Variants in ATP10B observed in about 807,000 individuals in gnomAD.
ATP10B encodes the protein ATPase phospholipid transporting 10B (putative), also known as phospholipid-transporting ATPase VB.
ATP10B carries 122 observed loss-of-function variants against 141.2 expected under a neutral mutation model. The ratio of observed to expected loss-of-function variants is 0.86; its 90% confidence interval spans 0.75 to 1.00. The LOEUF is 1.00. Among genes scored for constraint, ATP10B ranks in the 50% least tolerant of loss-of-function variants. The probability of loss-of-function intolerance (pLI) is 0.00; values close to 1 mark genes in which losing one functional copy is unlikely to be tolerated. For missense variants in ATP10B, 1,876 were observed against 1,825.3 expected, an observed-to-expected ratio of 1.03 and a Z score of -0.51; for synonymous variants, 685 against 692.0, an observed-to-expected ratio of 0.99 and a Z score of 0.16.
chr5:160,809,927 C>T (rs1027813871), intron 1 of ATP10B, among the ~76,000 whole-genome samples: 1 of 152,056 alleles, frequency 6.6e-6, no homozygotes, highest in Admixed American at 6.5e-5. Flanking sequence ...GACCATTTGG[C>T]TTTTCTTTTT....
intron 7 of ATP10B, among the ~76,000 whole-genome samples, chr5:160,656,980 C>T (rs1323618798): frequency 1.3e-5 from 2 of 152,086 alleles, no homozygotes; most frequent in African/African-American, 4.8e-5. Flanking sequence ...CTACATGATT[C>T]CCAGGCTAAA....
intron 22 of ATP10B, among the ~76,000 whole-genome samples, 171 bp from the exon 23 acceptor site, chr5:160,591,310 TC>T (rs367962339): frequency 5.7e-4 from 87 of 152,164 alleles, no homozygotes; most frequent in Non-Finnish European, 1.1e-3. Context: ...GTGACAGACT[TC>T]AGTTCAACTG....
chr5:160,753,927 A>G (rs992936316), intron 2 of ATP10B, among the ~76,000 whole-genome samples: 2 of 152,166 alleles, frequency 1.3e-5, no homozygotes. Flanking sequence ...CCACTTTACT[A>G]TGACTTCTTA....
chr5:160,589,478 T>C (rs1170296441), intron 24 of ATP10B, 114 bp downstream of exon 24: 3 of 795,110 alleles, frequency 3.8e-6, no homozygotes, highest in South Asian at 3.1e-5. Flanking sequence ...GGTAGGAGCT[T>C]AGTATGTATT....
rs1317470881 is a variant in ATP10B, at chr5:160,589,500, T to C, written c.3750+92A>G. 5.1e-6 allele frequency: 5 copies of C among 977,992 alleles called. No individual in the cohort carries two copies. In the African/African-American group the frequency reaches 6.4e-5, roughly 12 times the overall value. The allele number at this position is 977,992 out of a possible 1,614,324, so 60.6% of individuals were successfully genotyped here. On this transcript the variant is annotated intron_variant, in intron 24 of 25. Coordinates refer to ENST00000327245, the MANE Select transcript of ATP10B (RefSeq NM_025153.3). ...GCTTAGTATGTATTTATTGAGTGGA[T>C]TGATAACACAGAATGAAACAATTCA...
chr5:160,819,442 T>C (rs575608719), intron 1 of ATP10B, among the ~76,000 whole-genome samples: 2 of 152,290 alleles, frequency 1.3e-5, no homozygotes, highest in African/African-American at 2.4e-5. Flanking sequence ...ACTACTCCCA[T>C]CTGAAGAAAA....
chr5:160,653,681 CATAT>C (rs1296633642), intron 7 of ATP10B, among the ~76,000 whole-genome samples: 11 of 30,480 alleles, frequency 3.6e-4, no homozygotes, highest in Non-Finnish European at 6.3e-4. Flanking sequence ...ATTATATATA[CATAT>C]ATACATATAT....
At chr5:160,653,702 A>G (rs1278949981) in intron 7 of ATP10B, among the ~76,000 whole-genome samples, 3 of 122,988 alleles carry the variant, frequency 2.4e-5, no homozygotes, top group Non-Finnish European at 3.2e-5. Context: ...ATATACATAT[A>G]CAATATATAC....
Position 160,602,957 on chromosome 5 carries a change from C to T in ATP10B, c.3238-255G>A, listed in dbSNP as rs1581185162. The T allele has an allele frequency of 8.1e-6, 3 of 371,650 alleles. No individual in the cohort carries two copies. The Admixed American group carries it at 1.1e-4, about 14-fold the overall frequency. The allele number at this position is 371,650 out of a possible 1,614,324, so 23.0% of individuals were successfully genotyped here. A position where few individuals can be genotyped will look rare whatever the true frequency, so the allele number is the denominator to read the frequency against. ...CTAGGCTGGCTCTTCATCCGTTTAT[C>T]CAGCAAGCATTGACTGTGGCCCAGT... On this transcript the variant is annotated intron_variant, in intron 20 of 25. Transcript: ENST00000327245.
intron 2 of ATP10B, among the ~76,000 whole-genome samples, chr5:160,748,316 T>C (rs1279736987): frequency 6.6e-6 from 1 of 152,196 alleles, no homozygotes; most frequent in Non-Finnish European, 1.5e-5. Context: ...GGCGGTATGC[T>C]CCCTACAAAG....
intron 2 of ATP10B, among the ~76,000 whole-genome samples, chr5:160,765,884 A>G (rs990761920): frequency 1.3e-5 from 2 of 152,186 alleles, no homozygotes; most frequent in South Asian, 2.1e-4. Flanking sequence ...CCCATCAAAA[A>G]GTGGACTAAG....
At chr5:160,806,952 A>G (rs1561874219) in intron 1 of ATP10B, among the ~76,000 whole-genome samples, 1 of 152,214 alleles carries the variant, frequency 6.6e-6, no homozygotes, top group Admixed American at 6.5e-5. Context: ...AGGTCAACAG[A>G]GTGCAAATGA....
chr5:160,862,873 AAT>A, the ATP10B span, among the ~76,000 whole-genome samples: 1 of 151,982 alleles, frequency 6.6e-6, no homozygotes, highest in East Asian at 1.9e-4. Context: ...TAGGATAGAA[AAT>A]ATATCTTACC....
At chr5:160,731,060 T>C (rs1179727552) in intron 2 of ATP10B, among the ~76,000 whole-genome samples, 1 of 152,198 alleles carries the variant, frequency 6.6e-6, no homozygotes, top group African/African-American at 2.4e-5. Flanking sequence ...ATAAACCATT[T>C]AACCAAGAAA....
intron 2 of ATP10B, among the ~76,000 whole-genome samples, chr5:160,733,556 G>C (rs1470102735): frequency 6.6e-6 from 1 of 151,928 alleles, no homozygotes. Context: ...AGAGGGGTCA[G>C]AGAAAAATGA....
intron 18 of ATP10B, among the ~76,000 whole-genome samples, chr5:160,610,671 T>C (rs1413368781): frequency 6.6e-6 from 1 of 152,234 alleles, no homozygotes; most frequent in Non-Finnish European, 1.5e-5. Flanking sequence ...TTATCTGTTT[T>C]ACAGATGAAG....
the ATP10B span, among the ~76,000 whole-genome samples, chr5:160,866,992 G>A: frequency 6.6e-6 from 1 of 152,054 alleles, no homozygotes; most frequent in African/African-American, 2.4e-5. Context: ...TAGTATTGTG[G>A]CTAGGAATAT....
chr5:160,585,926 T>C (rs1161009874), intron 24 of ATP10B, among the ~76,000 whole-genome samples: 4 of 152,218 alleles, frequency 2.6e-5, no homozygotes, highest in African/African-American at 7.2e-5. Context: ...GTCTTATCAC[T>C]TTGTTCTGTC....
the ATP10B span, among the ~76,000 whole-genome samples, chr5:160,882,121 T>C: frequency 6.6e-6 from 1 of 152,174 alleles, no homozygotes; most frequent in Non-Finnish European, 1.5e-5. Flanking sequence ...AATGAACAGG[T>C]AGGCCACAGA....
Sources: allele counts gnomAD v4.1 joint callset (sites outside exome capture counted in the v4.1 genomes callset), GRCh38; gene constraint gnomAD v4.1.1; transcripts MANE v1.5; gene names NCBI Gene and HGNC (gene_info 2026-07-23, HGNC 2026-07-21).